Variants in ARHGEF7 observed in about 807,000 individuals in gnomAD.
ARHGEF7 encodes Rho guanine nucleotide exchange factor 7.
Under a neutral mutation model 109.8 loss-of-function variants are expected in ARHGEF7, and 33 were observed. The ratio of observed to expected loss-of-function variants is 0.30; its 90% CI spans 0.23 to 0.40. The LOEUF (loss-of-function observed/expected upper bound fraction) is 0.40. Among genes scored for constraint, ARHGEF7 ranks in the 10% least tolerant of loss-of-function variants. ARHGEF7 has a pLI of 1.00. For synonymous variants in ARHGEF7, 458 were observed against 424.6 expected, an observed-to-expected ratio of 1.08 and a Z score of -0.97; for missense variants, 938 against 1,098.5, an observed-to-expected ratio of 0.85 and a Z score of 2.07.
chr13:111,171,230 T>C (rs1384774473), intron 2 of ARHGEF7, among the ~76,000 whole-genome samples: 1 of 152,172 alleles, frequency 6.6e-6, no homozygotes, highest in Non-Finnish European at 1.5e-5. Flanking sequence ...ATTTTGTTTG[T>C]GATGAGGAGG....
rs2091737977 is a variant in ARHGEF7 at position 111,267,313 on chromosome 13, C to CTATTTCCCTT, written c.951-234_951-233insATTTCCCTTT. Reference sequence around the variant, plus strand: ...TTGGGCCTGAGGGTTGGTTGGGATGCTGTGCAGTCTGAATGCTGCTGGAGA... The same window carrying CTATTTCCCTT: ...TTGGGCCTGAGGGTTGGTTGGGATGCTATTTCCCTTTGTGCAGTCTGAATGCTGCTGGAGA... On this transcript the variant is annotated intron_variant, in intron 8 of 21. Coordinates refer to ENST00000646102, the MANE Select transcript of ARHGEF7 (RefSeq NM_001354046.2). Among the ~76,000 whole-genome samples, 3 of 152,172 alleles carry CTATTTCCCTT rather than the reference C, an allele frequency of 2.0e-5. No individual in the cohort carries two copies. The South Asian group carries it at 6.2e-4, about 32-fold the overall frequency.
At chr13:111,250,325 G>C (rs1001476657) in intron 8 of ARHGEF7, among the ~76,000 whole-genome samples, 1 of 152,192 alleles carries the variant, frequency 6.6e-6, no homozygotes, top group African/African-American at 2.4e-5. Flanking sequence ...TGCATTCGGC[G>C]CTTGTGCACA....
intron 1 of ARHGEF7, among the ~76,000 whole-genome samples, chr13:111,135,409 A>G (rs1381108454): frequency 1.3e-5 from 2 of 152,106 alleles, no homozygotes; most frequent in Admixed American, 6.5e-5. Context: ...CATTTTCACA[A>G]TATTGATTCT....
intron 2 of ARHGEF7, chr13:111,203,017 C>A: frequency 8.2e-7 from 1 of 1,213,970 alleles, no homozygotes; most frequent in African/African-American, 1.6e-5. Context: ...TCCTGGGTAT[C>A]CAAGTAAGAA....
Position 111,154,765 on chromosome 13 carries a change from A to G in ARHGEF7, c.252+774A>G, listed in dbSNP as rs117004070. Among the ~76,000 whole-genome samples, 369 of 152,352 alleles carry G rather than the reference A, an allele frequency of 2.4e-3. 1 individual carries two copies. Among genetic ancestry groups the G allele is most frequent in the South Asian group, 0.012 (56 of 4,828 alleles). On this transcript the variant is annotated intron_variant, in intron 2 of 21. Coordinates refer to ENST00000646102, the MANE Select transcript of ARHGEF7 (RefSeq NM_001354046.2). ...CTACACTTGGGGTAGCACTTTAAAT[A>G]CAGAAATCTAGCTTTGCTTTTCTTG...
rs1166972971 is a variant in ARHGEF7, at chr13:111,277,811, G to T, written c.1506+138G>T. The T allele has an allele frequency of 5.2e-6, 3 of 580,338 alleles. No homozygotes were observed. The South Asian group carries it at 7.5e-5, about 14-fold the overall frequency. 35.9% of individuals were successfully genotyped at this position (580,338 alleles called of 1,614,324 possible). A position where few individuals can be genotyped will look rare whatever the true frequency, so the allele number is the denominator to read the frequency against. ...TAGTGCTGTATATTCAGATATGGACGTACAGCTCCTGTTTGTGTTTCGTTG... is the reference window on the plus strand; with the variant it reads ...TAGTGCTGTATATTCAGATATGGACTTACAGCTCCTGTTTGTGTTTCGTTG... On this transcript the variant is annotated intron_variant, in intron 13 of 21. Coordinates refer to ENST00000646102, the MANE Select transcript of ARHGEF7 (RefSeq NM_001354046.2).
At chr13:111,130,437 T>C (rs531022929) in intron 1 of ARHGEF7, among the ~76,000 whole-genome samples, 68 of 152,380 alleles carry the variant, frequency 4.5e-4, no homozygotes, top group African/African-American at 1.6e-3. Context: ...TGTTATTTGC[T>C]GTCCCCTACT....
chr13:111,124,152 A>G (rs1261999112), intron 1 of ARHGEF7, among the ~76,000 whole-genome samples: 1 of 151,852 alleles, frequency 6.6e-6, no homozygotes, highest in Non-Finnish European at 1.5e-5. Flanking sequence ...GTGAACATTC[A>G]TTACAGTTTC....
At chr13:111,181,279 T>TA (rs1371708454) in intron 2 of ARHGEF7, among the ~76,000 whole-genome samples, 5 of 152,322 alleles carry the variant, frequency 3.3e-5, no homozygotes, top group Non-Finnish European at 7.4e-5. Context: ...ATTTGTGTAT[T>TA]AAGGGTTTCA....
intron 1 of ARHGEF7, among the ~76,000 whole-genome samples, chr13:111,147,690 C>CTTTTT (rs11463808): frequency 6.4e-4 from 53 of 82,388 alleles, no homozygotes; most frequent in African/African-American, 7.7e-4. Context: ...CAGAGGTCAC[C>CTTTTT]TTTTTTTTTT....
chr13:111,251,381 CTT>C (rs1351876902), intron 8 of ARHGEF7, among the ~76,000 whole-genome samples: 2 of 152,114 alleles, frequency 1.3e-5, no homozygotes, highest in Admixed American at 6.5e-5. Flanking sequence ...GTCCTGGAGA[CTT>C]TGATTGGATC....
intron 2 of ARHGEF7, among the ~76,000 whole-genome samples, chr13:111,156,024 G>T (rs1224989608): frequency 2.7e-5 from 4 of 150,768 alleles, no homozygotes; most frequent in African/African-American, 7.4e-5. Context: ...GGCAGAGGTT[G>T]CAGTGAGCTG....
chr13:111,299,794 G>A (rs1052977347), intron 19 of ARHGEF7, among the ~76,000 whole-genome samples: 4 of 152,296 alleles, frequency 2.6e-5, no homozygotes, highest in African/African-American at 7.2e-5. Context: ...CCCAGCAAGC[G>A]GAAGCACTGT....
chr13:111,133,763 TTATATATATATATA>T (rs763290549), intron 1 of ARHGEF7, among the ~76,000 whole-genome samples: 9 of 7,376 alleles, frequency 1.2e-3, no homozygotes, highest in African/African-American at 4.5e-3. Context: ...CTGCTTTTCT[TTATATATATATATA>T]TATATATATA....
In ARHGEF7 at chr13:111,145,162, T is replaced by C. The variant is rs1189268647; in HGVS notation, c.166-8743T>C. On this transcript the variant is annotated intron_variant, in intron 1 of 21. Transcript: ENST00000646102. This position sits in a 1 kb window ranked among gnomAD's most constrained non-coding sequence, Gnocchi z 4.3. The stretch of plus-strand genomic sequence containing the variant: ...AGCTGCCCCTTTTTTAAAGGCTGTA[T>C]GGTAGTGGTGATAGTCTGTTTGTGG... Among the ~76,000 whole-genome samples the C allele has an allele frequency of 2.0e-5, 3 of 152,084 alleles. No homozygotes were observed. Among genetic ancestry groups the C allele is most frequent in the Admixed American group, 2.0e-4 (3 of 15,268 alleles).
chr13:111,149,850 G>T (rs891867894), intron 1 of ARHGEF7, among the ~76,000 whole-genome samples: 2 of 152,118 alleles, frequency 1.3e-5, no homozygotes, highest in African/African-American at 4.8e-5. Context: ...ATAAAGTCCT[G>T]AAAAAAGCAT....
intron 1 of ARHGEF7, among the ~76,000 whole-genome samples, chr13:111,133,230 A>G (rs189325481): frequency 6.6e-6 from 1 of 152,172 alleles, no homozygotes; most frequent in East Asian, 1.9e-4. Context: ...TGTGCATTAT[A>G]TAATGCACAC....
intron 8 of ARHGEF7, among the ~76,000 whole-genome samples, chr13:111,245,983 C>T (rs1266181841): frequency 1.3e-5 from 2 of 152,240 alleles, no homozygotes; most frequent in East Asian, 1.9e-4. Flanking sequence ...ATGTAACATG[C>T]TATGCTGATG....
Position 111,115,609 on chromosome 13 carries a change from A to C in ARHGEF7, c.83A>C (p.Glu28Ala). Residue 28 changes from glutamate (E) to alanine (A), a missense_variant, in exon 1 of 22, where the codon GAG (glutamate) becomes GCG (alanine). Around this residue, in one of 4 missense-constraint regions of ARHGEF7, gnomAD observed 165 missense variants for 125.8 expected, o/e 1.31. Transcript: ENST00000646102. ...ESPKKTISDPEGFLQASLKDG... is the reference protein window; with the variant it reads ...ESPKKTISDPAGFLQASLKDG... ...CCCAAAAAAACCATCTCGGACCCGG[A>C]GGGCTTTCTGCAGGCGTCGCTGAAG... The C allele has an allele frequency of 7.1e-7, 1 of 1,412,316 alleles. No homozygotes were observed. Among genetic ancestry groups the C allele is most frequent in the Non-Finnish European group, 9.4e-7 (1 of 1,066,624 alleles). 87.5% of individuals were successfully genotyped at this position (1,412,316 alleles called of 1,614,324 possible). A position where few individuals can be genotyped will look rare whatever the true frequency, so the allele number is the denominator to read the frequency against.
Sources: allele counts gnomAD v4.1 joint callset (sites outside exome capture counted in the v4.1 genomes callset), GRCh38; gene constraint gnomAD v4.1.1; regional missense constraint gnomAD v4.1.1; non-coding constraint Gnocchi (gnomAD v3.1); transcripts MANE v1.5; gene names NCBI Gene and HGNC (gene_info 2026-07-23, HGNC 2026-07-21).